The following NALF1 variants were observed in gnomAD, a reference collection of about 807,000 sequenced individuals.
NALF1 encodes the protein family with sequence similarity 155 member A.
NALF1 carries 3 observed loss-of-function variants against 48.4 expected under a neutral mutation model. That is an observed-to-expected ratio of 0.06 (90% confidence interval 0.03 to 0.16). The LOEUF is 0.16. Ranked by LOEUF, NALF1 falls within the 10% of genes least tolerant of loss-of-function variation. The pLI, the probability that NALF1 is intolerant of heterozygous loss-of-function variation, is 1.00. For missense variants in NALF1, 526 were observed against 571.5 expected (o/e 0.92, Z 0.81); for synonymous variants, 262 against 245.7 (o/e 1.07, Z -0.62).
At chr13:107,393,823 T>TA (rs1252114048) in intron 1 of NALF1, among the ~76,000 whole-genome samples, 4 of 152,178 alleles carry the variant, frequency 2.6e-5, no homozygotes, top group African/African-American at 7.2e-5. Flanking sequence ...AAACTCTATA[T>TA]AACTCTAGGC....
intron 1 of NALF1, among the ~76,000 whole-genome samples, chr13:107,328,067 T>C (rs949054989): frequency 3.9e-5 from 6 of 152,172 alleles, no homozygotes; most frequent in Admixed American, 3.9e-4. Flanking sequence ...CCTACAGGCA[T>C]GTGCCACCAT....
At position 107,467,490 on chromosome 13, in the gene NALF1, G is replaced by C. The variant is rs114381663; in HGVS notation, c.916-256735C>G. On this transcript the variant is annotated intron_variant, in intron 1 of 2. Transcript: ENST00000375915. ...AAAATTTTCATGATCTACCCACAAA[G>C]GGATAGCAGCATATTCAATCCTACT... Among the ~76,000 whole-genome samples, 1,143 of 152,134 alleles carry C rather than the reference G, an allele frequency of 7.5e-3. 35 individuals are homozygous for C. The East Asian group carries it at 0.11, about 15-fold the overall frequency.
At chr13:107,716,815 G>T (rs1016424811) in intron 1 of NALF1, among the ~76,000 whole-genome samples, 12 of 152,034 alleles carry the variant, frequency 7.9e-5, no homozygotes, top group Non-Finnish European at 1.5e-5. Context: ...TGTTACTGAC[G>T]GCAGTGGTAG....
intron 1 of NALF1, among the ~76,000 whole-genome samples, chr13:107,858,933 T>C (rs1237541158): frequency 6.6e-6 from 1 of 152,200 alleles, no homozygotes; most frequent in South Asian, 2.1e-4. Flanking sequence ...TAATACTTAA[T>C]AATGATCGTC....
chr13:107,730,347 G>A (rs928083754), intron 1 of NALF1, among the ~76,000 whole-genome samples: 4 of 152,102 alleles, frequency 2.6e-5, no homozygotes, highest in Non-Finnish European at 5.9e-5. Context: ...CTTATCCTCT[G>A]TAATACAAAA....
intron 1 of NALF1, among the ~76,000 whole-genome samples, chr13:107,794,611 TC>T (rs1426623948): frequency 6.6e-6 from 1 of 151,342 alleles, no homozygotes; most frequent in Non-Finnish European, 1.5e-5. Context: ...AATGCCAGTT[TC>T]TACAAGTATT....
intron 2 of NALF1, among the ~76,000 whole-genome samples, chr13:107,192,516 C>A (rs190443671): frequency 6.6e-6 from 1 of 152,256 alleles, no homozygotes; most frequent in African/African-American, 2.4e-5. Context: ...AGCGCTTAAG[C>A]ACCCGTGGTA....
At chr13:107,206,128 TCACCCTGACAG>T (rs779657536) in intron 2 of NALF1, among the ~76,000 whole-genome samples, 7 of 152,182 alleles carry the variant, frequency 4.6e-5, no homozygotes, top group Non-Finnish European at 1.0e-4. Flanking sequence ...ATGACATGTT[TCACCCTGACAG>T]CACCTCAGAA....
rs1019844262 is a variant in NALF1 at position 107,170,219 on chromosome 13, T to C, written c.*278A>G. 9.0e-6 allele frequency: 3 copies of C among 331,784 alleles called. No individual in the cohort carries two copies. The Admixed American group carries it at 1.3e-4, about 15-fold the overall frequency. The allele number at this position is 331,784 out of a possible 1,614,324, so 20.6% of individuals were successfully genotyped here. On this transcript the variant is annotated 3_prime_UTR_variant, in exon 3 of 3. Transcript: ENST00000375915. Reference sequence around the variant, plus strand: ...CAAGTGCAAAAAATAAACAAACAAATAAACCCAAACCAAAACGAAAGCAAA... The same window carrying C: ...CAAGTGCAAAAAATAAACAAACAAACAAACCCAAACCAAAACGAAAGCAAA...
In NALF1 at chr13:107,165,773, T is replaced by C. The variant is rs1188046978; in HGVS notation, c.*4724A>G. ...CCAATACCTACCTGCTATATTAGGTTTTTTATAAACATTGTTAAAGCTTGG... is the reference window on the plus strand; with the variant it reads ...CCAATACCTACCTGCTATATTAGGTCTTTTATAAACATTGTTAAAGCTTGG... On this transcript the variant is annotated 3_prime_UTR_variant, in exon 3 of 3. Transcript: ENST00000375915. 6.6e-6 allele frequency: 1 copy of C among 152,130 alleles called. No individual in the cohort carries two copies. Among genetic ancestry groups the C allele is most frequent in the Non-Finnish European group, 1.5e-5 (1 of 68,002 alleles). 9.4% of individuals were successfully genotyped at this position (152,130 alleles called of 1,614,324 possible). A position where few individuals can be genotyped will look rare whatever the true frequency, so the allele number is the denominator to read the frequency against.
intron 1 of NALF1, among the ~76,000 whole-genome samples, chr13:107,749,018 T>C (rs950651440): frequency 6.6e-6 from 1 of 152,134 alleles, no homozygotes; most frequent in African/African-American, 2.4e-5. Flanking sequence ...ACTATCATTA[T>C]GCTTCCCCAG....
chr13:107,439,525 G>C (rs1441831587), intron 1 of NALF1, among the ~76,000 whole-genome samples: 1 of 152,080 alleles, frequency 6.6e-6, no homozygotes, highest in Non-Finnish European at 1.5e-5. Context: ...TGTGCCCTTG[G>C]GTTGTGGTTT....
At chr13:107,508,381 T>C (rs1875768773) in intron 1 of NALF1, among the ~76,000 whole-genome samples, 1 of 150,916 alleles carries the variant, frequency 6.6e-6, no homozygotes, top group Non-Finnish European at 1.5e-5. Flanking sequence ...ATTAATATAA[T>C]GTATTACTAT....
intron 1 of NALF1, among the ~76,000 whole-genome samples, chr13:107,295,858 C>A (rs1457534757): frequency 6.6e-6 from 1 of 152,214 alleles, no homozygotes; most frequent in African/African-American, 2.4e-5. Context: ...ACTACTTTAA[C>A]AGTTTCTCAA....
intron 1 of NALF1, among the ~76,000 whole-genome samples, chr13:107,793,286 C>A (rs149202622): frequency 2.5e-4 from 38 of 152,234 alleles, no homozygotes; most frequent in Middle Eastern, 3.4e-3. Context: ...AAATAGTTAT[C>A]CGTGAATATC....
intron 2 of NALF1, among the ~76,000 whole-genome samples, chr13:107,197,434 T>A (rs1339168293): frequency 6.6e-6 from 1 of 152,176 alleles, no homozygotes; most frequent in Non-Finnish European, 1.5e-5. Flanking sequence ...CCTGTGGGCT[T>A]TCCTGTGAAC....
In NALF1 at chr13:107,423,658, T is replaced by G. The variant is rs570088445; in HGVS notation, c.916-212903A>C. On this transcript the variant is annotated intron_variant, in intron 1 of 2. Transcript: ENST00000375915. The stretch of plus-strand genomic sequence containing the variant: ...ACAGAGAAGATGTGTGACTAAACCC[T>G]GCCTTAAGCTTTACTGGTATACCTC... Among the ~76,000 whole-genome samples the G allele has an allele frequency of 3.9e-5, 6 of 152,290 alleles. No homozygotes were observed. In the South Asian group the frequency reaches 1.2e-3, roughly 32 times the overall value.
At chr13:107,213,870 G>A (rs1480291707) in intron 1 of NALF1, among the ~76,000 whole-genome samples, 4 of 152,186 alleles carry the variant, frequency 2.6e-5, no homozygotes, top group South Asian at 2.1e-4. Context: ...AAGAGCAAAC[G>A]AGGGGTGAGG....
At chr13:107,291,020 C>T (rs545437295) in intron 1 of NALF1, among the ~76,000 whole-genome samples, 1 of 151,720 alleles carries the variant, frequency 6.6e-6, no homozygotes, top group South Asian at 2.1e-4. Flanking sequence ...TTTGATTGCT[C>T]TTAGTTGGCT....
Sources: gnomAD v4.1 joint callset for allele counts (sites outside exome capture counted in the v4.1 genomes callset) on GRCh38, gnomAD v4.1.1 for gene constraint, MANE v1.5 for transcripts, NCBI Gene and HGNC (gene_info 2026-07-23, HGNC 2026-07-21) for gene names.